Variants in UGT1A7 observed in about 807,000 individuals in gnomAD.
UGT1A7 encodes UDP-glucuronosyltransferase 1A7.
A neutral mutation model predicts 45.6 loss-of-function variants in UGT1A7; 33 were observed. That is an observed-to-expected ratio of 0.72 (90% CI 0.55 to 0.97). UGT1A7 has a LOEUF of 0.97. Among genes scored for constraint, UGT1A7 ranks in the 50% least tolerant of loss-of-function variants. The pLI, the probability that UGT1A7 is intolerant of heterozygous loss-of-function variation, is 0.00. For synonymous variants in UGT1A7, 274 were observed against 250.6 expected (o/e 1.09, Z -0.88); for missense variants, 684 against 666.2 (o/e 1.03, Z -0.29).
At chr2:233,724,265 G>C (rs1471463851) in intron 1 of UGT1A7, among the ~76,000 whole-genome samples, 1 of 132,982 alleles carries the variant, frequency 7.5e-6, no homozygotes, top group African/African-American at 2.9e-5. Context: ...CCTCCCGGAC[G>C]GGGCGGCTGG....
intron 1 of UGT1A7, chr2:233,760,636 A>G (rs1559407230): frequency 6.2e-7 from 1 of 1,614,144 alleles, no homozygotes; most frequent in South Asian, 1.1e-5. Context: ...CAAGAAAATA[A>G]AAAAGGACTC....
At chr2:233,753,957 TAA>T (rs1695357056) in intron 1 of UGT1A7, among the ~76,000 whole-genome samples, 1 of 152,156 alleles carries the variant, frequency 6.6e-6, no homozygotes, top group Non-Finnish European at 1.5e-5. Flanking sequence ...TCCAAAATAT[TAA>T]GAGAATAACG....
At chr2:233,686,183 G>A (rs1241973137) in intron 1 of UGT1A7, among the ~76,000 whole-genome samples, 1 of 151,422 alleles carries the variant, frequency 6.6e-6, no homozygotes, top group East Asian at 1.9e-4. Context: ...ATCTAAAACT[G>A]TAAAACTCTT....
chr2:233,766,296 C>G (rs1251598094), intron 1 of UGT1A7, among the ~76,000 whole-genome samples: 2 of 152,064 alleles, frequency 1.3e-5, no homozygotes, highest in Non-Finnish European at 2.9e-5. Context: ...GTGGCCTGGG[C>G]TCTCCTCCGA....
chr2:233,745,232 C>G (rs1693047388), intron 1 of UGT1A7, among the ~76,000 whole-genome samples: 1 of 151,800 alleles, frequency 6.6e-6, no homozygotes, highest in East Asian at 1.9e-4. Flanking sequence ...AAATACAGCA[C>G]TATTTACTGT....
intron 1 of UGT1A7, chr2:233,690,760 T>TACACAC: frequency 1.1e-6 from 1 of 905,432 alleles, no homozygotes; most frequent in Non-Finnish European, 1.3e-6. Context: ...AGTGCAGACA[T>TACACAC]ACACACACAC....
chr2:233,755,079 A>C, intron 1 of UGT1A7: 1 of 1,336,770 alleles, frequency 7.5e-7, no homozygotes, highest in Non-Finnish European at 1.0e-6. Flanking sequence ...GCGGTCATAG[A>C]TATCGCGTTT....
At chr2:233,693,140 G>A in intron 1 of UGT1A7, 1 of 1,614,230 alleles carries the variant, frequency 6.2e-7, no homozygotes, top group South Asian at 1.1e-5. Flanking sequence ...GAAGGATATA[G>A]TTGAGGTTCT....
At position 233,760,222 on chromosome 2, in the gene UGT1A7, T is replaced by G. The variant is rs1346369593; in HGVS notation, c.856-6812T>G. On this transcript the variant is annotated intron_variant, in intron 1 of 4. Coordinates refer to ENST00000373426, the MANE Select transcript of UGT1A7 (RefSeq NM_019077.3). The stretch of plus-strand genomic sequence containing the variant: ...GTCAAACATTAACTTGGTGTATCGA[T>G]TGGTTTTTGCCATATATATATATAT... The G allele has an allele frequency of 2.5e-6, 4 of 1,591,036 alleles. No individual in the cohort carries two copies. The South Asian group carries it at 3.4e-5, about 13-fold the overall frequency.
rs1693674969 is a variant in UGT1A7 at position 233,747,432 on chromosome 2, T to A, written c.856-19602T>A. ...GAATATGCACATCAAACAAGAGAAA[T>A]TTTTCACCCTGACAACCTATGCCAT... On this transcript the variant is annotated intron_variant, in intron 1 of 4. Transcript: ENST00000373426. 1.9e-6 allele frequency: 3 copies of A among 1,608,474 alleles called. No individual in the cohort carries two copies. The Admixed American group carries it at 5.0e-5, about 27-fold the overall frequency.
In UGT1A7 at chr2:233,695,130, C is replaced by CTTTCTTTTTTT. The variant is rs1364557158; in HGVS notation, c.855+12341_855+12342insCTTTTTTTTTT. Among the ~76,000 whole-genome samples, 82 of 138,816 alleles carry CTTTCTTTTTTT rather than the reference C, an allele frequency of 5.9e-4. 2 individuals carry two copies. Among genetic ancestry groups the CTTTCTTTTTTT allele is most frequent in the South Asian group, 1.4e-3 (6 of 4,416 alleles). The allele number at this position is 138,816 out of a possible 152,430, so 91.1% of individuals were successfully genotyped here. On this transcript the variant is annotated intron_variant, in intron 1 of 4. Transcript: ENST00000373426. ...GCCCATTAACCAACCCTTTTCTTTT[C>CTTTCTTTTTTT]TTTTTTTTTTTTTTGAGACAGAGTC...
chr2:233,693,566 C>G, intron 1 of UGT1A7: 1 of 1,614,202 alleles, frequency 6.2e-7, no homozygotes, highest in Middle Eastern at 1.6e-4. Context: ...AAGCCCAGAC[C>G]CTGTGTCCTA....
At chr2:233,756,656 A>G (rs934932092) in intron 1 of UGT1A7, among the ~76,000 whole-genome samples, 3 of 152,202 alleles carry the variant, frequency 2.0e-5, no homozygotes, top group Non-Finnish European at 4.4e-5. Flanking sequence ...CATGGGATGC[A>G]GTGATTATTT....
chr2:233,701,891 A>G (rs955417049), intron 1 of UGT1A7, among the ~76,000 whole-genome samples: 4 of 152,178 alleles, frequency 2.6e-5, no homozygotes, highest in Non-Finnish European at 5.9e-5. Flanking sequence ...AAGAGAAAGC[A>G]GAAAAGATCT....
intron 1 of UGT1A7, among the ~76,000 whole-genome samples, chr2:233,762,398 T>G (rs969226920): frequency 6.6e-6 from 1 of 152,192 alleles, no homozygotes; most frequent in Non-Finnish European, 1.5e-5. Flanking sequence ...TATGTAAAAT[T>G]TTTTGGTTGC....
At chr2:233,705,061 G>T (rs10180090) in intron 1 of UGT1A7, among the ~76,000 whole-genome samples, 1 of 151,502 alleles carries the variant, frequency 6.6e-6, no homozygotes, top group South Asian at 2.1e-4. Context: ...GCTTGAACCC[G>T]GGAGGCGGAG....
intron 1 of UGT1A7, chr2:233,690,638 C>T: frequency 7.8e-7 from 1 of 1,287,780 alleles, no homozygotes; most frequent in Admixed American, 2.3e-5. Context: ...TACCTGAGGA[C>T]ACCTTGACTC....
At chr2:233,697,483 G>T (rs372892413) in intron 1 of UGT1A7, among the ~76,000 whole-genome samples, 3 of 148,958 alleles carry the variant, frequency 2.0e-5, no homozygotes, top group African/African-American at 7.4e-5. Flanking sequence ...CTAGCTCAAG[G>T]TTTGCCAATT....
chr2:233,704,354 C>A (rs11683974), intron 1 of UGT1A7, among the ~76,000 whole-genome samples: 1 of 147,722 alleles, frequency 6.8e-6, no homozygotes, highest in Admixed American at 6.8e-5. Context: ...GTGTTCTGAG[C>A]GGTTGTTCTA....
Sources: allele counts gnomAD v4.1 joint callset (sites outside exome capture counted in the v4.1 genomes callset), GRCh38; gene constraint gnomAD v4.1.1; transcripts MANE v1.5; gene names NCBI Gene and HGNC (gene_info 2026-07-23, HGNC 2026-07-21).